Variants in ARHGAP21 observed in about 807,000 individuals in gnomAD.
ARHGAP21 encodes the protein rho GTPase-activating protein 21.
ARHGAP21 carries 38 observed loss-of-function variants against 164.6 expected under a neutral mutation model. The ratio of observed to expected loss-of-function variants is 0.23; its 90% CI spans 0.18 to 0.30. The LOEUF (loss-of-function observed/expected upper bound fraction) is 0.30. Ranked by LOEUF, ARHGAP21 falls within the 10% of genes least tolerant of loss-of-function variation. The pLI is 1.00. For missense variants in ARHGAP21, 1,822 were observed against 2,370.7 expected, an observed-to-expected ratio of 0.77 and a Z score of 4.81; for synonymous variants, 766 against 857.9, an observed-to-expected ratio of 0.89 and a Z score of 1.87.
At chr10:24,665,949 G>C (rs1034464257) in intron 4 of ARHGAP21, among the ~76,000 whole-genome samples, 3 of 152,244 alleles carry the variant, frequency 2.0e-5, no homozygotes, top group Admixed American at 2.0e-4. Context: ...TCCAAATAAA[G>C]TCTGTAGTTT....
At chr10:24,697,003 G>A (rs1334156864) in intron 2 of ARHGAP21, among the ~76,000 whole-genome samples, 5 of 152,216 alleles carry the variant, frequency 3.3e-5, no homozygotes, top group Non-Finnish European at 7.3e-5. Flanking sequence ...CAGAGGCCAG[G>A]TAGCAGCATT....
At chr10:24,595,861 A>G (rs1564969233) in intron 18 of ARHGAP21, 27 bp downstream of exon 18, 1 of 1,610,650 alleles carries the variant, frequency 6.2e-7, no homozygotes, top group Admixed American at 1.7e-5. Flanking sequence ...AAAAAAAAGG[A>G]TCAGTTATTC....
intron 9 of ARHGAP21, among the ~76,000 whole-genome samples, chr10:24,614,180 G>A (rs1434009905): frequency 6.6e-6 from 1 of 152,126 alleles, no homozygotes; most frequent in Non-Finnish European, 1.5e-5. Context: ...TGAGTAGGGA[G>A]GTCAAGAGAC....
intron 1 of ARHGAP21, chr10:24,722,815 T>C (rs899597644): frequency 2.6e-5 from 4 of 151,374 alleles, no homozygotes; most frequent in African/African-American, 9.7e-5. Context: ...CTGTTTTCCT[T>C]GGCCCGCGGC....
intron 4 of ARHGAP21, among the ~76,000 whole-genome samples, chr10:24,652,521 T>C (rs1838286903): frequency 6.6e-6 from 1 of 152,120 alleles, no homozygotes; most frequent in African/African-American, 2.4e-5. Context: ...TTATAGAAAT[T>C]ACTAATACGA....
intron 3 of ARHGAP21, among the ~76,000 whole-genome samples, chr10:24,667,510 A>G (rs183485161): frequency 6.6e-6 from 1 of 152,290 alleles, no homozygotes; most frequent in Admixed American, 6.5e-5. Flanking sequence ...CTTGTATTCA[A>G]TTTTGAAGTT....
At position 24,619,892 on chromosome 10, in the gene ARHGAP21, C is replaced by T. The variant is rs754596514; in HGVS notation, c.2003G>A (p.Arg668Lys). Residue 668 changes from arginine (R) to lysine (K), a missense_variant, in exon 9 of 26, where the codon AGG (arginine) becomes AAG (lysine). Transcript: ENST00000396432. ...NSLLNQQTWV[R>K]TDSAPDQQVE... ...TTGCTGATCGGGGGCACTGTCAGTCCTTACCCATGTCTGCTGATTCAACAG... is the reference window on the plus strand; with the variant it reads ...TTGCTGATCGGGGGCACTGTCAGTCTTTACCCATGTCTGCTGATTCAACAG... The T allele has an allele frequency of 6.2e-6, 10 of 1,614,150 alleles. No homozygotes were observed. Among genetic ancestry groups the T allele is most frequent in the Non-Finnish European group, 8.5e-6 (10 of 1,180,028 alleles).
intron 23 of ARHGAP21, 104 bp from the exon 24 acceptor site, chr10:24,591,434 T>TG (rs1228627122): frequency 4.3e-6 from 5 of 1,149,996 alleles, no homozygotes; most frequent in Non-Finnish European, 6.4e-6. Flanking sequence ...AAAGCACCTG[T>TG]GCTTAATGTG....
intron 21 of ARHGAP21, among the ~76,000 whole-genome samples, chr10:24,594,571 G>A (rs1240526798): frequency 6.6e-6 from 1 of 152,086 alleles, no homozygotes; most frequent in Non-Finnish European, 1.5e-5. Context: ...ATGTGGTGGT[G>A]TTAAAAGGAA....
At chr10:24,681,449 T>G (rs1234638442) in intron 2 of ARHGAP21, among the ~76,000 whole-genome samples, 2 of 152,178 alleles carry the variant, frequency 1.3e-5, no homozygotes, top group African/African-American at 4.8e-5. Flanking sequence ...AAACAATATA[T>G]AAGTCCTAAT....
chr10:24,584,606 T>G lies in ARHGAP21; in HGVS notation c.5683A>C (p.Asn1895His). Reference sequence around the variant, plus strand: ...AAGGTGCTGGAAGAACTGCCTGTGTTGCAATGAAGAGACAAAGGTGTGTCG... The same window carrying G: ...AAGGTGCTGGAAGAACTGCCTGTGTGGCAATGAAGAGACAAAGGTGTGTCG... ...TTDTPLSLHC[N>H]TGSSSSTLAS... The change falls in exon 26 of 26, where the codon AAC becomes CAC. Residue 1895 changes from asparagine (N) to histidine (H), a missense_variant. Physicochemically the swap from Asn to His is moderately conservative, Grantham distance 68. Coordinates refer to ENST00000396432, the MANE Select transcript of ARHGAP21 (RefSeq NM_020824.4). 1 of 1,613,924 alleles carries G rather than the reference T, an allele frequency of 6.2e-7. No homozygotes were observed. Among genetic ancestry groups the G allele is most frequent in the Non-Finnish European group, 8.5e-7 (1 of 1,179,860 alleles).
At chr10:24,683,985 TAAAA>T (rs1257455749) in intron 2 of ARHGAP21, among the ~76,000 whole-genome samples, 1 of 152,152 alleles carries the variant, frequency 6.6e-6, no homozygotes, top group Admixed American at 6.6e-5. Flanking sequence ...GACTGTTTCC[TAAAA>T]AAGACAGAAA....
intron 12 of ARHGAP21, among the ~76,000 whole-genome samples, chr10:24,602,837 C>T (rs750278018): frequency 3.3e-5 from 5 of 151,734 alleles, no homozygotes; most frequent in Non-Finnish European, 5.9e-5. Context: ...TAGGTGAAGA[C>T]GGGAAGATTC....
chr10:24,693,599 C>G (rs1294527882), intron 2 of ARHGAP21, among the ~76,000 whole-genome samples: 2 of 151,956 alleles, frequency 1.3e-5, no homozygotes, highest in Admixed American at 1.3e-4. Context: ...GTGATCCGCC[C>G]GCCTCAGCCT....
intron 4 of ARHGAP21, among the ~76,000 whole-genome samples, chr10:24,651,827 T>C (rs374841921): frequency 5.6e-4 from 85 of 152,356 alleles, no homozygotes; most frequent in African/African-American, 2.0e-3. Context: ...AATATTCCAG[T>C]ATTATAAACA....
chr10:24,719,125 A>ACACACACACACACC (rs1403546611), intron 2 of ARHGAP21, among the ~76,000 whole-genome samples: 1 of 151,782 alleles, frequency 6.6e-6, no homozygotes, highest in African/African-American at 2.4e-5. Flanking sequence ...ACACACACAC[A>ACACACACACACACC]CACACCCCAA....
At chr10:24,657,842 C>T (rs1452903105) in intron 4 of ARHGAP21, among the ~76,000 whole-genome samples, 3 of 126,064 alleles carry the variant, frequency 2.4e-5, no homozygotes, top group African/African-American at 9.6e-5. Context: ...TAAACAGATG[C>T]TTGAAGGCAG....
chr10:24,618,026 CA>C (rs1199818036), intron 9 of ARHGAP21, among the ~76,000 whole-genome samples: 3 of 131,880 alleles, frequency 2.3e-5, no homozygotes, highest in African/African-American at 8.3e-5. Flanking sequence ...CTGAATGAGG[CA>C]AACCTAGAGA....
At chr10:24,688,598 G>A (rs932524273) in intron 2 of ARHGAP21, among the ~76,000 whole-genome samples, 13 of 152,102 alleles carry the variant, frequency 8.5e-5, no homozygotes, top group African/African-American at 2.2e-4. Flanking sequence ...AGAAGATGAC[G>A]AAATGGTTTT....
Sources: gnomAD v4.1 joint callset for allele counts (sites outside exome capture counted in the v4.1 genomes callset) on GRCh38, gnomAD v4.1.1 for gene constraint, MANE v1.5 for transcripts, NCBI Gene and HGNC (gene_info 2026-07-23, HGNC 2026-07-21) for gene names.